Variants in SH2B1 observed in about 807,000 individuals in gnomAD.
SH2B1 encodes the protein SH2B adaptor protein 1.
In SH2B1, 15 loss-of-function variants were observed where a neutral mutation model predicts 62.6. The observed-to-expected ratio is 0.24, with a 90% CI of 0.16 to 0.37. The LOEUF (loss-of-function observed/expected upper bound fraction) is 0.37. Ranked by LOEUF, SH2B1 falls within the 10% of genes least tolerant of loss-of-function variation. The pLI is 1.00. For synonymous variants in SH2B1, 443 were observed against 438.0 expected (o/e 1.01, Z -0.14); for missense variants, 925 against 1,015.6 (o/e 0.91, Z 1.21).
chr16:28,864,273 C>T lies in SH2B1; in HGVS notation c.-1822C>T, dbSNP rs951628475. The T allele has an allele frequency of 1.0e-6, 1 of 1,000,634 alleles. No individual in the cohort carries two copies. Among genetic ancestry groups the T allele is most frequent in the Non-Finnish European group, 1.2e-6 (1 of 839,148 alleles). The allele number at this position is 1,000,634 out of a possible 1,614,324, so 62.0% of individuals were successfully genotyped here. On this transcript the variant is annotated 5_prime_UTR_variant, in exon 1 of 8. Transcript: ENST00000684370. Reference sequence around the variant, plus strand: ...GAACTGAGCCAGGAGGCAGGTGCACCGGGAAAATGTGTCTGAGTCCTGCTT... The same window carrying T: ...GAACTGAGCCAGGAGGCAGGTGCACTGGGAAAATGTGTCTGAGTCCTGCTT...
chr16:28,868,208 C>T (rs561991634), intron 2 of SH2B1, among the ~76,000 whole-genome samples: 30 of 150,944 alleles, frequency 2.0e-4, no homozygotes, highest in African/African-American at 7.1e-4. Flanking sequence ...GGCGCGATCT[C>T]GACTCACTGC....
chr16:28,858,645 A>T (rs536454617), intron 1 of SH2B1, among the ~76,000 whole-genome samples: 12 of 152,126 alleles, frequency 7.9e-5, no homozygotes, highest in African/African-American at 2.4e-4. Context: ...TCTTTTCAAA[A>T]TTTTATTTAT....
At chr16:28,867,264 C>A in intron 1 of SH2B1, 67 bp from the exon 2 acceptor site, 1 of 1,350,116 alleles carries the variant, frequency 7.4e-7, no homozygotes, top group Non-Finnish European at 1.1e-6. Context: ...AGATGAATGT[C>A]TGGAGGGAGG....
Position 28,872,976 on chromosome 16 carries a change from T to TTGTC in SH2B1, c.1897+281_1897+284dup. 1.6e-6 allele frequency: 1 copy of TTGTC among 636,848 alleles called. No homozygotes were observed. The highest frequency in any genetic ancestry group is 2.7e-6 in the Non-Finnish European group (1 of 367,068). The allele number at this position is 636,848 out of a possible 1,614,324, so 39.4% of individuals were successfully genotyped here. A position where few individuals can be genotyped will look rare whatever the true frequency, so the allele number is the denominator to read the frequency against. ...CCATTCCATCGGATCCTCTGTTCCA[T>TTGTC]TGTCTGTCTGTCTCCTGGACCCATC... On this transcript the variant is annotated intron_variant, in intron 7 of 7. Coordinates refer to ENST00000684370, the MANE Select transcript of SH2B1 (RefSeq NM_001387430.1). The surrounding 1 kb of genome is among the most constrained non-coding windows in gnomAD (Gnocchi z 5.3).
In SH2B1 at chr16:28,873,224, C is replaced by T. The variant is rs760783965; in HGVS notation, c.1898-223C>T. 3.8e-5 allele frequency: 61 copies of T among 1,605,068 alleles called. No homozygotes were observed. Among genetic ancestry groups the T allele is most frequent in the Non-Finnish European group, 4.9e-5 (58 of 1,178,100 alleles). The stretch of plus-strand genomic sequence containing the variant: ...GTGTGCGAGGGAGATGGATGCCACC[C>T]CGATGCCTCCTGCACCCTCATGCCC... On this transcript the variant is annotated intron_variant, in intron 7 of 7. Transcript: ENST00000684370. This position sits in a 1 kb window ranked among gnomAD's most constrained non-coding sequence, Gnocchi z 4.2.
chr16:28,871,310 G>A (rs965965421), intron 4 of SH2B1, among the ~76,000 whole-genome samples: 8 of 152,160 alleles, frequency 5.3e-5, no homozygotes, highest in South Asian at 2.1e-4. Flanking sequence ...GAGCCACTGC[G>A]CCTGGCCCAG....
Position 28,866,824 on chromosome 16 carries a change from G to T in SH2B1, c.730G>T (p.Ala244Ser), listed in dbSNP as rs770809673. The T allele has an allele frequency of 4.0e-5, 64 of 1,594,572 alleles. No homozygotes were observed. Among genetic ancestry groups the T allele is most frequent in the Non-Finnish European group, 5.0e-5 (58 of 1,170,964 alleles). The stretch of plus-strand genomic sequence containing the variant: ...GGGAGGGGGCGCCTTGAAGGATGGA[G>T]CAGGGATGGTGCAGAGGGAAGAGCT... ...SRGGGALKDG[A>S]GMVQREELLS... is the part of the protein sequence containing the mutation. Residue 244 changes from alanine to serine, a missense_variant, in exon 1 of 8, where the codon GCA becomes TCA. Ala to Ser is a moderately conservative substitution (Grantham distance 99). This residue lies in a region of SH2B1 where 683 missense variants were observed against 704.0 expected (regional missense o/e 0.97). Coordinates refer to ENST00000684370, the MANE Select transcript of SH2B1 (RefSeq NM_001387430.1). The surrounding 1 kb of genome is among the most constrained non-coding windows in gnomAD (Gnocchi z 6.3).
rs1567473122 is a variant in SH2B1 at position 28,873,550 on chromosome 16, G to GGCA, written c.2010_2012dup (p.Ala674dup). The GGCA allele has an allele frequency of 6.2e-7, 1 of 1,602,482 alleles. No homozygotes were observed. The highest frequency in any genetic ancestry group is 1.3e-5 in the African/African-American group (1 of 74,706). ...AGGCGTCGAGGGCGCCAGAAGTGGC[G>GGCA]GCAGCAGCAGCCGCAGCAGCCAAAG... On this transcript the variant is annotated inframe_insertion, in exon 8 of 8. Coordinates refer to ENST00000684370, the MANE Select transcript of SH2B1 (RefSeq NM_001387430.1). The surrounding 1 kb of genome is among the most constrained non-coding windows in gnomAD (Gnocchi z 4.2).
rs1962543138 is a variant in SH2B1 at position 28,863,955 on chromosome 16, G to T, written c.-2140G>T. The T allele has an allele frequency of 1.4e-6, 2 of 1,450,864 alleles. No homozygotes were observed. The highest frequency in any genetic ancestry group is 2.8e-5 in the South Asian group (2 of 70,988). The allele number at this position is 1,450,864 out of a possible 1,614,324, so 89.9% of individuals were successfully genotyped here. ...GGGGACCGAGATGCAGGTGGGACCG[G>T]AACCGGAACCCCCCTCTTCAAGTAC... On this transcript the variant is annotated 5_prime_UTR_variant, in exon 1 of 8. The change creates a premature stop within an existing upstream ORF in the 5' untranslated region. Coordinates refer to ENST00000684370, the MANE Select transcript of SH2B1 (RefSeq NM_001387430.1).
At chr16:28,854,795 C>T (rs928365242) in intron 1 of SH2B1, among the ~76,000 whole-genome samples, 1 of 152,108 alleles carries the variant, frequency 6.6e-6, no homozygotes, top group Admixed American at 6.6e-5. Context: ...CTCCGTGTGT[C>T]CCACAAGGCC....
chr16:28,872,512 A>C lies in SH2B1; in HGVS notation c.1726-22A>C. On this transcript the variant is annotated intron_variant, in intron 6 of 7. Coordinates refer to ENST00000684370, the MANE Select transcript of SH2B1 (RefSeq NM_001387430.1). This position sits in a 1 kb window ranked among gnomAD's most constrained non-coding sequence, Gnocchi z 5.3. ...TGGCAGGGCCTTTGCCTCCTACCTC[A>C]CCTCCCCCATCCCGCCCTCAGCACC... The C allele has an allele frequency of 6.3e-7, 1 of 1,598,336 alleles. No homozygotes were observed. The highest frequency in any genetic ancestry group is 1.1e-5 in the South Asian group (1 of 88,976).
chr16:28,874,100 G>A lies in SH2B1; in HGVS notation c.*280G>A, dbSNP rs528505066. The A allele has an allele frequency of 5.6e-6, 2 of 358,976 alleles. No individual in the cohort carries two copies. Among genetic ancestry groups the A allele is most frequent in the East Asian group, 4.1e-5 (1 of 24,260 alleles). 22.2% of individuals were successfully genotyped at this position (358,976 alleles called of 1,614,324 possible). A position where few individuals can be genotyped will look rare whatever the true frequency, so the allele number is the denominator to read the frequency against. On this transcript the variant is annotated 3_prime_UTR_variant, in exon 8 of 8. Coordinates refer to ENST00000684370, the MANE Select transcript of SH2B1 (RefSeq NM_001387430.1). Reference sequence around the variant, plus strand: ...TTTCCCCATTAACTACCCCCAGCCCGAGGCAGGGTGAGGGGGAAGGGCTGT... The same window carrying A: ...TTTCCCCATTAACTACCCCCAGCCCAAGGCAGGGTGAGGGGGAAGGGCTGT...
chr16:28,865,081 G>A lies in SH2B1; in HGVS notation c.-1014G>A. 8.1e-6 allele frequency: 8 copies of A among 985,524 alleles called. No homozygotes were observed. Among genetic ancestry groups the A allele is most frequent in the Non-Finnish European group, 9.6e-6 (8 of 829,952 alleles). 61.0% of individuals were successfully genotyped at this position (985,524 alleles called of 1,614,324 possible). A position where few individuals can be genotyped will look rare whatever the true frequency, so the allele number is the denominator to read the frequency against. On this transcript the variant is annotated 5_prime_UTR_variant, in exon 1 of 8. Transcript: ENST00000684370. ...CTCAAGTCCATGGCCTTAACCAGAA[G>A]GCTAACCTGCCTTTAGGGCATACTC... is the stretch of plus-strand genomic sequence containing the variant.
In SH2B1 at chr16:28,872,249, T is replaced by C. The variant is rs1022288144; in HGVS notation, c.1573T>C (p.Tyr525His). 1.1e-5 allele frequency: 17 copies of C among 1,613,944 alleles called. No homozygotes were observed. Among genetic ancestry groups the C allele is most frequent in the Non-Finnish European group, 1.4e-5 (16 of 1,179,902 alleles). ...TGAGGGGGACCAGCCCCTCTCAGGG[T>C]ATCCTTGGTTCCACGGGATGCTCTC... Reference protein sequence around the residue: ...GGEGDQPLSGYPWFHGMLSRL... With the variant: ...GGEGDQPLSGHPWFHGMLSRL... The change falls in exon 6 of 8, where the codon TAT becomes CAT. Residue 525 changes from tyrosine (Y) to histidine (H), a missense_variant. Around this residue, in one of 3 missense-constraint regions of SH2B1, gnomAD observed 683 missense variants for 704.0 expected, o/e 0.97. Transcript: ENST00000684370. The surrounding 1 kb of genome is among the most constrained non-coding windows in gnomAD (Gnocchi z 5.3).
chr16:28,867,740 C>T (rs1164470041), intron 2 of SH2B1, among the ~76,000 whole-genome samples: 1 of 152,170 alleles, frequency 6.6e-6, no homozygotes, highest in Non-Finnish European at 1.5e-5. Context: ...CCTCGTGTAG[C>T]CTCGAACTCC....
rs1963199456 is a variant in SH2B1, at chr16:28,874,120, G to A, written c.*300G>A. The A allele has an allele frequency of 2.9e-6, 1 of 339,520 alleles. No homozygotes were observed. Among genetic ancestry groups the A allele is most frequent in the African/African-American group, 2.1e-5 (1 of 47,520 alleles). The allele number at this position is 339,520 out of a possible 1,614,324, so 21.0% of individuals were successfully genotyped here. ...AGCCCGAGGCAGGGTGAGGGGGAAGGGCTGTCAGTTACATTAAGGTGGTTG... is the reference window on the plus strand; with the variant it reads ...AGCCCGAGGCAGGGTGAGGGGGAAGAGCTGTCAGTTACATTAAGGTGGTTG... On this transcript the variant is annotated 3_prime_UTR_variant, in exon 8 of 8. Transcript: ENST00000684370.
In SH2B1 at chr16:28,869,070, C is replaced by G; in HGVS notation, c.1106C>G (p.Ser369Cys). Residue 369 changes from serine to cysteine, a missense_variant, in exon 3 of 8, where the codon TCT becomes TGT. This residue lies in a region of SH2B1 where 683 missense variants were observed against 704.0 expected (regional missense o/e 0.97). Transcript: ENST00000684370. ...GCCCAGCATGTGAAGGCCTGGGTGTCTGACATCCAAGAATGCCTGAGCCCA... is the reference window on the plus strand; with the variant it reads ...GCCCAGCATGTGAAGGCCTGGGTGTGTGACATCCAAGAATGCCTGAGCCCA... The part of the protein sequence containing the change: ...VDAQHVKAWV[S>C]DIQECLSPGP... 2 of 1,614,184 alleles carry G rather than the reference C, an allele frequency of 1.2e-6. No individual in the cohort carries two copies. Among genetic ancestry groups the G allele is most frequent in the East Asian group, 2.2e-5 (1 of 44,882 alleles).
Position 28,852,680 on chromosome 16 carries a change from T to TTACATATATATTTATATATA in SH2B1, c.-301+5868_-301+5887dup, listed in dbSNP as rs1567458975. The stretch of plus-strand genomic sequence containing the variant: ...TACACATATATATTTATATATATAT[T>TTACATATATATTTATATATA]TACATATATATTTATATATATACAT... On this transcript the variant is annotated intron_variant, in intron 1 of 10. Coordinates refer to the SH2B1 transcript ENST00000322610. 5.3e-4 allele frequency among the ~76,000 whole-genome samples: 39 copies of TTACATATATATTTATATATA among 73,596 alleles called. 2 individuals carry two copies. Among genetic ancestry groups the TTACATATATATTTATATATA allele is most frequent in the East Asian group, 1.4e-3 (4 of 2,818 alleles). The allele number at this position is 73,596 out of a possible 152,430, so 48.3% of individuals were successfully genotyped here.
chr16:28,869,359 G>C lies in SH2B1; in HGVS notation c.1285G>C (p.Glu429Gln), dbSNP rs201309896. ...CCAGGACCTGCTGCTTGGACCCAGCGAGAGCAATGACCGCCTGTCGCAGGG... is the reference window on the plus strand; with the variant it reads ...CCAGGACCTGCTGCTTGGACCCAGCCAGAGCAATGACCGCCTGTCGCAGGG... ...PSQDLLLGPS[E>Q]SNDRLSQGAY... is the part of the protein sequence containing the mutation. Residue 429 changes from glutamate (E) to glutamine (Q), a missense_variant, in exon 4 of 8, where the codon GAG becomes CAG. Physicochemically the swap from Glu to Gln is conservative, Grantham distance 29 (BLOSUM62 2). Coordinates refer to ENST00000684370, the MANE Select transcript of SH2B1 (RefSeq NM_001387430.1). 1.2e-6 allele frequency: 2 copies of C among 1,613,806 alleles called. No homozygotes were observed. Among genetic ancestry groups the C allele is most frequent in the African/African-American group, 2.7e-5 (2 of 74,900 alleles).
Sources: allele counts gnomAD v4.1 joint callset (sites outside exome capture counted in the v4.1 genomes callset), GRCh38; gene constraint gnomAD v4.1.1; regional missense constraint gnomAD v4.1.1; non-coding constraint Gnocchi (gnomAD v3.1); transcripts MANE v1.5; gene names NCBI Gene and HGNC (gene_info 2026-07-23, HGNC 2026-07-21).